HMHB1: variants seen among roughly 807,000 people sequenced by gnomAD.
HMHB1 encodes the protein minor histocompatibility protein HB-1.
In HMHB1, 4 loss-of-function variants were observed where a neutral mutation model predicts 2.4. The ratio of observed to expected loss-of-function variants is 1.65; its 90% CI spans 0.81 to 3.77. The LOEUF (loss-of-function observed/expected upper bound fraction) is 3.77, where lower values mean the gene tolerates loss of function less well. HMHB1 is among the 30% of genes most tolerant of loss of function. The probability of loss-of-function intolerance (pLI) is 0.01; values close to 1 mark genes in which losing one functional copy is unlikely to be tolerated. For missense variants in HMHB1, 57 were observed against 44.2 expected (o/e 1.29, Z -0.82); for synonymous variants, 22 against 17.6 (o/e 1.25, Z -0.63).
chr5:143,812,940 C>G (rs1759708571), intron 1 of HMHB1, among the ~76,000 whole-genome samples: 1 of 139,392 alleles, frequency 7.2e-6, no homozygotes, highest in Non-Finnish European at 1.5e-5. Context: ...CAGAAAGGCC[C>G]TGCTGTCGTG....
intron 1 of HMHB1, among the ~76,000 whole-genome samples, chr5:143,817,479 A>C (rs1224666407): frequency 1.3e-5 from 2 of 151,706 alleles, no homozygotes; most frequent in Non-Finnish European, 2.9e-5. Context: ...TCCCCACTTT[A>C]TGTTTTTGTT....
At position 143,812,226 on chromosome 5, in the gene HMHB1, T is replaced by C; in HGVS notation, c.-42T>C. On this transcript the variant is annotated 5_prime_UTR_variant, in exon 1 of 2. Transcript: ENST00000289448. ...GAAGCCGGGCAGGCCCTGAGCCTTCTGACCTCACATCCTCTGCCACACCAC... is the reference window on the plus strand; with the variant it reads ...GAAGCCGGGCAGGCCCTGAGCCTTCCGACCTCACATCCTCTGCCACACCAC... 6.5e-7 allele frequency: 1 copy of C among 1,549,144 alleles called. No individual in the cohort carries two copies. The highest frequency in any genetic ancestry group is 1.4e-5 in the African/African-American group (1 of 73,076).
chr5:143,819,910 C>T (rs1759789619), intron 1 of HMHB1, among the ~76,000 whole-genome samples: 1 of 152,064 alleles, frequency 6.6e-6, no homozygotes, highest in Admixed American at 6.5e-5. Context: ...AGGCTTGGCT[C>T]TAAAATAAGG....
Position 143,815,864 on chromosome 5 carries a change from A to G in HMHB1, c.37+3560A>G, listed in dbSNP as rs562338341. On this transcript the variant is annotated intron_variant, in intron 1 of 1. Coordinates refer to ENST00000289448, the MANE Select transcript of HMHB1 (RefSeq NM_021182.3). ...TGGGACTACAGGCGCCCGCTACCGC[A>G]CCCGGCTAATTTTTTGTATTTTTAG... Among the ~76,000 whole-genome samples, 600 of 150,006 alleles carry G rather than the reference A, an allele frequency of 4.0e-3. 8 individuals carry two copies. The highest frequency in any genetic ancestry group is 0.01 in the Middle Eastern group (3 of 290).
chr5:143,818,159 A>C (rs1759769582), intron 1 of HMHB1, among the ~76,000 whole-genome samples: 1 of 152,226 alleles, frequency 6.6e-6, no homozygotes, highest in African/African-American at 2.4e-5. Context: ...AAATTATTGA[A>C]CTTCTATATT....
At chr5:143,814,123 A>G (rs1178692849) in intron 1 of HMHB1, among the ~76,000 whole-genome samples, 1 of 152,216 alleles carries the variant, frequency 6.6e-6, no homozygotes, top group East Asian at 1.9e-4. Flanking sequence ...GCCATTGGCA[A>G]AATAAAAGAA....
chr5:143,816,926 G>A (rs1439606541), intron 1 of HMHB1, among the ~76,000 whole-genome samples: 1 of 152,162 alleles, frequency 6.6e-6, no homozygotes, highest in East Asian at 1.9e-4. Flanking sequence ...TTGCACTGTG[G>A]TTTTGATTTG....
intron 1 of HMHB1, among the ~76,000 whole-genome samples, chr5:143,812,883 G>A (rs1446682098): frequency 2.0e-5 from 3 of 152,158 alleles, no homozygotes; most frequent in Non-Finnish European, 4.4e-5. Flanking sequence ...AAGACACGAT[G>A]GCTTCATTCC....
rs1581009835 is a variant in HMHB1, at chr5:143,812,166, T to C, written c.-102T>C. 2 of 1,029,606 alleles carry C rather than the reference T, an allele frequency of 1.9e-6. No individual in the cohort carries two copies. The highest frequency in any genetic ancestry group is 2.6e-5 in the East Asian group (1 of 38,478). The allele number at this position is 1,029,606 out of a possible 1,614,324, so 63.8% of individuals were successfully genotyped here. On this transcript the variant is annotated 5_prime_UTR_variant, in exon 1 of 2. Coordinates refer to ENST00000289448, the MANE Select transcript of HMHB1 (RefSeq NM_021182.3). ...CAATTCTGCAGATGAGGAAACCACA[T>C]CCCAGGAGGCCGAGGCGGCTTGCCC... is the stretch of plus-strand genomic sequence containing the variant.
At chr5:143,812,568 C>A (rs1759704224) in intron 1 of HMHB1, among the ~76,000 whole-genome samples, 1 of 152,154 alleles carries the variant, frequency 6.6e-6, no homozygotes, top group Admixed American at 6.5e-5. Context: ...GTTGGAGCAG[C>A]TGCCTGCACC....
At chr5:143,813,002 A>G (rs1759710312) in intron 1 of HMHB1, among the ~76,000 whole-genome samples, 2 of 151,982 alleles carry the variant, frequency 1.3e-5, no homozygotes, top group South Asian at 4.1e-4. Context: ...CTTGAAGAGG[A>G]CACACGGAGC....
In HMHB1 at chr5:143,820,516, T is replaced by C. The variant is rs368106014; in HGVS notation, c.74T>C (p.Val25Ala). ...GTTTGGAAGTCGGAATTGGTTGAAG[T>C]TGAAGATGATGTGTATCTGAGGCAC... The change falls in exon 2 of 2, where the codon GTT becomes GCT. Residue 25 changes from valine to alanine, a missense_variant. Transcript: ENST00000289448. 9 of 1,613,212 alleles carry C rather than the reference T, an allele frequency of 5.6e-6. No individual in the cohort carries two copies. The African/African-American group carries it at 6.7e-5, about 12-fold the overall frequency.
At position 143,820,318 on chromosome 5, in the gene HMHB1, T is replaced by TAAAAAAAAAAAAAAAAAAAAAAA. The variant is rs60960654; in HGVS notation, c.38-152_38-130dup. Among the ~76,000 whole-genome samples the TAAAAAAAAAAAAAAAAAAAAAAA allele has an allele frequency of 1.5e-3, 70 of 47,576 alleles. 2 individuals are homozygous for TAAAAAAAAAAAAAAAAAAAAAAA. Among genetic ancestry groups the TAAAAAAAAAAAAAAAAAAAAAAA allele is most frequent in the Non-Finnish European group, 1.8e-3 (43 of 24,482 alleles). 31.2% of individuals were successfully genotyped at this position (47,576 alleles called of 152,430 possible). ...AGGTGCTGCCCCGGCTCATCATAAG[T>TAAAAAAAAAAAAAAAAAAAAAAA]AAAAAAAAAAAAAAAAAAAAAAAAA... is the stretch of plus-strand genomic sequence containing the variant. On this transcript the variant is annotated intron_variant, in intron 1 of 1. Transcript: ENST00000289448.
intron 1 of HMHB1, among the ~76,000 whole-genome samples, chr5:143,815,734 C>T (rs1170293485): frequency 7.0e-6 from 1 of 143,426 alleles, no homozygotes; most frequent in African/African-American, 2.8e-5. Flanking sequence ...GAGTCTCGCT[C>T]TGTCGCCCAG....
chr5:143,819,418 A>G (rs770289530), intron 1 of HMHB1, among the ~76,000 whole-genome samples: 1 of 152,226 alleles, frequency 6.6e-6, no homozygotes, highest in Non-Finnish European at 1.5e-5. Flanking sequence ...AAAGGCTTTC[A>G]GCCTAATACA....
At chr5:143,818,650 T>A (rs891525920) in intron 1 of HMHB1, among the ~76,000 whole-genome samples, 2 of 152,224 alleles carry the variant, frequency 1.3e-5, no homozygotes, top group African/African-American at 4.8e-5. Flanking sequence ...AATTTGGAAC[T>A]CTTCCTTGAA....
At position 143,817,764 on chromosome 5, in the gene HMHB1, G is replaced by A. The variant is rs575917192; in HGVS notation, c.38-2716G>A. Among the ~76,000 whole-genome samples the A allele has an allele frequency of 2.4e-4, 36 of 152,088 alleles. 1 individual carries two copies. The highest frequency in any genetic ancestry group is 7.2e-4 in the Admixed American group (11 of 15,276). The stretch of plus-strand genomic sequence containing the variant: ...AGAATGATGGTGGTATTTTGATGGG[G>A]ATGGTGTTGAATTTGTAGATTGCTT... On this transcript the variant is annotated intron_variant, in intron 1 of 1. Coordinates refer to ENST00000289448, the MANE Select transcript of HMHB1 (RefSeq NM_021182.3).
chr5:143,820,324 A>T (rs1382689794), intron 1 of HMHB1, among the ~76,000 whole-genome samples, 156 bp from the exon 2 acceptor site: 12 of 79,646 alleles, frequency 1.5e-4, no homozygotes, highest in African/African-American at 5.4e-4. Context: ...TAAGTAAAAA[A>T]AAAAAAAAAA....
At chr5:143,812,841 A>AG (rs1759707397) in intron 1 of HMHB1, among the ~76,000 whole-genome samples, 1 of 152,112 alleles carries the variant, frequency 6.6e-6, no homozygotes, top group Non-Finnish European at 1.5e-5. Flanking sequence ...GAAGCACTTG[A>AG]GGGGGGTATA....
Sources: allele counts gnomAD v4.1 joint callset (sites outside exome capture counted in the v4.1 genomes callset), GRCh38; gene constraint gnomAD v4.1.1; transcripts MANE v1.5; gene names NCBI Gene and HGNC (gene_info 2026-07-23, HGNC 2026-07-21).